Variants in CCBE1 observed in about 807,000 individuals in gnomAD.
The protein encoded by CCBE1 is collagen and calcium-binding EGF domain-containing protein 1.
CCBE1 carries 37 observed loss-of-function variants against 50.0 expected under a neutral mutation model. The observed-to-expected ratio is 0.74, with a 90% CI of 0.57 to 0.97. The LOEUF (loss-of-function observed/expected upper bound fraction) is 0.97, where lower values mean the gene tolerates loss of function less well. Among genes scored for constraint, CCBE1 ranks in the 50% least tolerant of loss-of-function variants. CCBE1 has a pLI of 0.00. For missense variants in CCBE1, 538 were observed against 523.8 expected, an observed-to-expected ratio of 1.03 and a Z score of -0.26; for synonymous variants, 234 against 203.7, an observed-to-expected ratio of 1.15 and a Z score of -1.27.
intron 2 of CCBE1, among the ~76,000 whole-genome samples, chr18:59,623,462 C>T (rs1568239430): frequency 6.6e-6 from 1 of 152,188 alleles, no homozygotes; most frequent in Admixed American, 6.5e-5. Context: ...AGCTTCTTTT[C>T]GAACCCACCC....
intron 6 of CCBE1, among the ~76,000 whole-genome samples, chr18:59,448,721 A>G (rs113296179): frequency 1.7e-3 from 262 of 152,330 alleles, no homozygotes; most frequent in African/African-American, 6.0e-3. Flanking sequence ...GTATCCCATT[A>G]GTTCTGTCTC....
intron 3 of CCBE1, among the ~76,000 whole-genome samples, chr18:59,475,608 C>A (rs1287009813): frequency 6.6e-6 from 1 of 152,196 alleles, no homozygotes; most frequent in Non-Finnish European, 1.5e-5. Context: ...AAATGCTACC[C>A]CTTCAAGAAG....
At chr18:59,624,950 T>C (rs138971865) in intron 2 of CCBE1, among the ~76,000 whole-genome samples, 210 of 152,358 alleles carry the variant, frequency 1.4e-3, no homozygotes, top group Non-Finnish European at 2.2e-3. Flanking sequence ...AGCTATGCAA[T>C]AGTATCAACT....
chr18:59,506,527 C>A (rs1436032781), intron 2 of CCBE1, among the ~76,000 whole-genome samples: 1 of 152,234 alleles, frequency 6.6e-6, no homozygotes, highest in Non-Finnish European at 1.5e-5. Context: ...CTGGGCAGAC[C>A]ACTTTCAGAT....
chr18:59,678,793 A>C (rs1439589017), intron 2 of CCBE1, among the ~76,000 whole-genome samples: 1 of 152,180 alleles, frequency 6.6e-6, no homozygotes, highest in Non-Finnish European at 1.5e-5. Context: ...TTGATCTCCC[A>C]AAGTGCTGAG....
chr18:59,509,107 T>C (rs1314618940), intron 2 of CCBE1, among the ~76,000 whole-genome samples: 1 of 152,174 alleles, frequency 6.6e-6, no homozygotes, highest in Non-Finnish European at 1.5e-5. Context: ...CAGTTTTTCT[T>C]AATAACCAAA....
intron 2 of CCBE1, among the ~76,000 whole-genome samples, chr18:59,555,264 A>G (rs944072949): frequency 2.0e-5 from 3 of 152,230 alleles, no homozygotes; most frequent in Admixed American, 2.0e-4. Context: ...AGTTTAAAAG[A>G]CCATATGGGT....
At chr18:59,522,473 G>A (rs71357640) in intron 2 of CCBE1, among the ~76,000 whole-genome samples, 17,628 of 152,156 alleles carry the variant, frequency 0.12, 1,193 homozygotes, top group Middle Eastern at 0.18. Flanking sequence ...ATAAAAACAA[G>A]TAAGATAATC....
chr18:59,506,003 G>A (rs2144279346), intron 2 of CCBE1, among the ~76,000 whole-genome samples: 1 of 152,358 alleles, frequency 6.6e-6, no homozygotes, highest in Non-Finnish European at 1.5e-5. Context: ...GCGGAGCTGG[G>A]TGGGTTGAAC....
chr18:59,524,638 T>C lies in CCBE1; in HGVS notation c.213-44400A>G, dbSNP rs1914743201. On this transcript the variant is annotated intron_variant, in intron 2 of 10. Coordinates refer to ENST00000439986, the MANE Select transcript of CCBE1 (RefSeq NM_133459.4). ...AAAGTTCCAAGATACATGTGCGAGATGTGCAGGTTTGTTACATAGGTAAAT... is the reference window on the plus strand; with the variant it reads ...AAAGTTCCAAGATACATGTGCGAGACGTGCAGGTTTGTTACATAGGTAAAT... Among the ~76,000 whole-genome samples the C allele has an allele frequency of 2.0e-5, 3 of 152,218 alleles. No homozygotes were observed. In the South Asian group the frequency reaches 6.2e-4, roughly 32 times the overall value.
rs767140976 is a variant in CCBE1, at chr18:59,439,727, C to A, written c.865G>T (p.Gly289Ter). Residue 289 changes from glycine (G) to a stop codon, truncating the protein, a stop_gained, in exon 8 of 11, where the codon GGA (glycine) becomes TGA (stop). Transcript: ENST00000439986. LOFTEE classifies it high-confidence loss of function. ...ATGTGGGACAGATCAGGAGATGGTC[C>A]CATGGGTCCCATTGAGCCCCGTGGG... ...PGPRGSMGPMGPSPDLSHIKQ... is the reference protein window; with the variant it reads ...PGPRGSMGPM 1 of 1,614,252 alleles carries A rather than the reference C, an allele frequency of 6.2e-7. No homozygotes were observed. Among genetic ancestry groups the A allele is most frequent in the Non-Finnish European group, 8.5e-7 (1 of 1,180,042 alleles).
chr18:59,460,221 A>C (rs1357050772), intron 5 of CCBE1, among the ~76,000 whole-genome samples: 1 of 152,350 alleles, frequency 6.6e-6, no homozygotes, highest in Middle Eastern at 3.4e-3. Flanking sequence ...CCTCAGAGGC[A>C]GTCCTGGGGC....
chr18:59,614,745 G>C (rs983957763), intron 2 of CCBE1, among the ~76,000 whole-genome samples: 1 of 152,220 alleles, frequency 6.6e-6, no homozygotes, highest in African/African-American at 2.4e-5. Flanking sequence ...AGACTTTGTC[G>C]TCACAGTCCT....
intron 2 of CCBE1, among the ~76,000 whole-genome samples, chr18:59,548,588 T>C (rs980755724): frequency 2.0e-5 from 3 of 152,168 alleles, no homozygotes; most frequent in Non-Finnish European, 4.4e-5. Flanking sequence ...GCTGCTGTCA[T>C]GCAAATGAAA....
intron 2 of CCBE1, among the ~76,000 whole-genome samples, chr18:59,516,665 A>C (rs1244203511): frequency 4.6e-5 from 7 of 152,122 alleles, no homozygotes; most frequent in Admixed American, 4.6e-4. Context: ...ATTACCACGG[A>C]CCTTCCTGGC....
intron 2 of CCBE1, among the ~76,000 whole-genome samples, chr18:59,671,821 AGG>A (rs1555706971): frequency 0.016 from 2,232 of 139,956 alleles, 52 homozygotes; most frequent in African/African-American, 0.056. Context: ...TTAAAAAAAA[AGG>A]GGGGGGGTAG....
Position 59,697,293 on chromosome 18 carries a change from C to A in CCBE1, c.50G>T (p.Gly17Val), listed in dbSNP as rs1307344315. 2 of 1,549,114 alleles carry A rather than the reference C, an allele frequency of 1.3e-6. No homozygotes were observed. The highest frequency in any genetic ancestry group is 4.9e-5 in the East Asian group (2 of 40,930). Residue 17 changes from glycine (G) to valine (V), a missense_variant, in exon 1 of 11, where the codon GGC becomes GTC. Physicochemically the swap from Gly to Val is moderately radical, Grantham distance 109. Transcript: ENST00000439986. ...SRGGAARGQLGRSLGPLLLLL... is the reference protein window; with the variant it reads ...SRGGAARGQLVRSLGPLLLLL... ...CAGCAGCAGCGGACCCAGGCTCCTG[C>A]CCAGCTGGCCCCTGGCAGCTCCTCC...
At chr18:59,517,228 C>G (rs1439665394) in intron 2 of CCBE1, among the ~76,000 whole-genome samples, 1 of 152,196 alleles carries the variant, frequency 6.6e-6, no homozygotes, top group Non-Finnish European at 1.5e-5. Flanking sequence ...GAAAAAGAAG[C>G]TAAGAACAGG....
At chr18:59,523,020 A>C (rs1914674118) in intron 2 of CCBE1, among the ~76,000 whole-genome samples, 1 of 148,368 alleles carries the variant, frequency 6.7e-6, no homozygotes, top group Admixed American at 6.7e-5. Flanking sequence ...AAAATTCTCA[A>C]TGTTATAACG....
Sources: allele counts gnomAD v4.1 joint callset (sites outside exome capture counted in the v4.1 genomes callset), GRCh38; gene constraint gnomAD v4.1.1; transcripts MANE v1.5; gene names NCBI Gene and HGNC (gene_info 2026-07-23, HGNC 2026-07-21).